Variants in CACNA1G observed in about 807,000 individuals in gnomAD.
The protein encoded by CACNA1G is calcium voltage-gated channel subunit alpha1 G.
Under a neutral mutation model 219.4 loss-of-function variants are expected in CACNA1G, and 67 were observed. The observed-to-expected ratio is 0.31, with a 90% CI of 0.25 to 0.37. CACNA1G has a LOEUF of 0.37. Ranked by LOEUF, CACNA1G falls within the 10% of genes least tolerant of loss-of-function variation. The probability of loss-of-function intolerance (pLI) is 1.00; values close to 1 mark genes in which losing one functional copy is unlikely to be tolerated. For synonymous variants in CACNA1G, 1,296 were observed against 1,345.3 expected (o/e 0.96, Z 0.80); for missense variants, 2,380 against 3,231.4 (o/e 0.74, Z 6.39).
rs373614568 is a variant in CACNA1G, at chr17:50,599,488, C to T, written c.3319C>T (p.Arg1107Cys). 21 of 1,592,456 alleles carry T rather than the reference C, an allele frequency of 1.3e-5. No individual in the cohort carries two copies. Among genetic ancestry groups the T allele is most frequent in the South Asian group, 5.7e-5 (5 of 87,914 alleles). Residue 1107 changes from arginine to cysteine, a missense_variant, in exon 17 of 38, where the codon CGC (arginine) becomes TGC (cysteine). Coordinates refer to ENST00000359106, the MANE Select transcript of CACNA1G (RefSeq NM_018896.5). Reference protein sequence around the residue: ...WSAASSWTSRRSSRNSLGRAP... With the variant: ...WSAASSWTSRCSSRNSLGRAP... Reference sequence around the variant, plus strand: ...CGCTGCAAGCAGCTGGACCAGCAGGCGCTCCAGCCGGAACAGCCTCGGCCG... The same window carrying T: ...CGCTGCAAGCAGCTGGACCAGCAGGTGCTCCAGCCGGAACAGCCTCGGCCG...
chr17:50,572,918 G>A (rs1478747059), intron 6 of CACNA1G, 64 bp downstream of exon 6: 8 of 1,581,624 alleles, frequency 5.1e-6, no homozygotes, highest in South Asian at 1.2e-5. Flanking sequence ...GCCCAGGATC[G>A]GAGTGGTCGC....
rs201628757 is a variant in CACNA1G at position 50,615,410 on chromosome 17, C to G, written c.4809C>G (p.Leu1603=). 6 of 1,612,722 alleles carry G rather than the reference C, an allele frequency of 3.7e-6. No homozygotes were observed. The East Asian group carries it at 1.3e-4, about 36-fold the overall frequency. ...CCGACTACTCCCGCTTCCGGCTCCT[C>G]GTCCACCACTTGTGCACCAGCCACT... The part of the protein sequence containing the change: ...YYSDYSRFRL[L]VHHLCTSHYL... The change falls in exon 27 of 38, where the codon CTC becomes CTG. Residue 1603 remains leucine (L), a synonymous_variant. Coordinates refer to ENST00000359106, the MANE Select transcript of CACNA1G (RefSeq NM_018896.5).
intron 1 of CACNA1G, chr17:50,562,007 C>A: frequency 8.5e-6 from 3 of 351,542 alleles, no homozygotes; most frequent in Non-Finnish European, 1.6e-5. Flanking sequence ...AGCTGGACGC[C>A]CTCCAGATGT....
At position 50,591,256 on chromosome 17, in the gene CACNA1G, T is replaced by A. The variant is rs529544667; in HGVS notation, c.2454-179T>A. On this transcript the variant is annotated intron_variant, in intron 10 of 37. Transcript: ENST00000359106. ...GAGAGGGCGGAGGGGGCCGGGGCTG[T>A]CACCCAAATCCTCACTATCTTGGAG... 2.1e-3 allele frequency among the ~76,000 whole-genome samples: 327 copies of A among 152,290 alleles called. 1 individual carries two copies. The highest frequency in any genetic ancestry group is 7.6e-3 in the African/African-American group (318 of 41,570).
At chr17:50,608,077 G>T in intron 25 of CACNA1G, 58 bp downstream of exon 25, 1 of 1,511,250 alleles carries the variant, frequency 6.6e-7, no homozygotes, top group South Asian at 1.2e-5. Flanking sequence ...GGTCGTGCTT[G>T]ACCTTGGCCT....
chr17:50,589,906 C>G (rs1341029402), intron 9 of CACNA1G, among the ~76,000 whole-genome samples: 1 of 148,428 alleles, frequency 6.7e-6, no homozygotes, highest in Non-Finnish European at 1.5e-5. Flanking sequence ...CTCTCTCTCT[C>G]TCTCTCTGTG....
chr17:50,561,198 G>A lies in CACNA1G; in HGVS notation c.-262G>A. The A allele has an allele frequency of 1.8e-6, 1 of 570,170 alleles. No homozygotes were observed. The highest frequency in any genetic ancestry group is 2.9e-5 in the Admixed American group (1 of 34,576). 35.3% of individuals were successfully genotyped at this position (570,170 alleles called of 1,614,324 possible). A position where few individuals can be genotyped will look rare whatever the true frequency, so the allele number is the denominator to read the frequency against. On this transcript the variant is annotated 5_prime_UTR_variant, in exon 1 of 38. Transcript: ENST00000359106. ...GGAACAAAGTGAGGGGGAGCCGGCC[G>A]GCTGGCCCGGGAAGCCCCAGGGGCG...
At chr17:50,619,352 AC>A (rs1820559897) in intron 33 of CACNA1G, among the ~76,000 whole-genome samples, 1 of 149,080 alleles carries the variant, frequency 6.7e-6, no homozygotes, top group Admixed American at 6.7e-5. Context: ...TTTCCTACCC[AC>A]CCTTTAACCT....
chr17:50,597,492 A>T (rs2045800639), intron 16 of CACNA1G, among the ~76,000 whole-genome samples: 1 of 152,164 alleles, frequency 6.6e-6, no homozygotes, highest in Non-Finnish European at 1.5e-5. Flanking sequence ...TAATTTTTTT[A>T]AATTTCGCTT....
Position 50,626,282 on chromosome 17 carries a change from G to A in CACNA1G, c.6665G>A (p.Ser2222Asn). The A allele has an allele frequency of 1.9e-6, 3 of 1,613,630 alleles. No individual in the cohort carries two copies. The highest frequency in any genetic ancestry group is 2.5e-6 in the Non-Finnish European group (3 of 1,179,872). The change falls in exon 38 of 38, where the codon AGC (serine) becomes AAC (asparagine). Residue 2222 changes from serine to asparagine, a missense_variant. Physicochemically the swap from Ser to Asn is conservative, Grantham distance 46. Transcript: ENST00000359106. The surrounding 1 kb of genome is among the most constrained non-coding windows in gnomAD (Gnocchi z 4.3). ...RSSLELDTELSWISGDLLPPG... is the reference protein window; with the variant it reads ...RSSLELDTELNWISGDLLPPG... ...AGCTTAGAGTTGGACACGGAGCTGA[G>A]CTGGATTTCAGGAGACCTCCTGCCC...
At chr17:50,566,114 C>T (rs1041815369) in intron 1 of CACNA1G, among the ~76,000 whole-genome samples, 3 of 152,170 alleles carry the variant, frequency 2.0e-5, no homozygotes, top group Non-Finnish European at 2.9e-5. Flanking sequence ...GATTCTCCTC[C>T]CCTGCATAAG....
At chr17:50,624,765 G>A (rs549440270) in intron 37 of CACNA1G, among the ~76,000 whole-genome samples, 2 of 152,298 alleles carry the variant, frequency 1.3e-5, no homozygotes, top group African/African-American at 4.8e-5. Flanking sequence ...ACCAGAAGGG[G>A]TAGTGCTTGC....
intron 33 of CACNA1G, among the ~76,000 whole-genome samples, chr17:50,619,395 A>G (rs757284176): frequency 6.7e-6 from 1 of 149,224 alleles, no homozygotes; most frequent in African/African-American, 2.5e-5. Context: ...CCATCCTTTT[A>G]TCTTCTCTTT....
chr17:50,595,372 C>A (rs2045316468), intron 14 of CACNA1G, among the ~76,000 whole-genome samples: 1 of 152,218 alleles, frequency 6.6e-6, no homozygotes, highest in Non-Finnish European at 1.5e-5. Flanking sequence ...GTGTGGGGCA[C>A]CCCGTGTGTG....
intron 25 of CACNA1G, among the ~76,000 whole-genome samples, chr17:50,608,567 A>C (rs1215870729): frequency 6.6e-6 from 1 of 151,342 alleles, no homozygotes. Context: ...AAACTTAAAA[A>C]AAGAAAAAGC....
At chr17:50,606,203 A>C (rs1567712835) in intron 23 of CACNA1G, 180 bp downstream of exon 23, 1 of 900,362 alleles carries the variant, frequency 1.1e-6, no homozygotes, top group Non-Finnish European at 1.9e-6. Flanking sequence ...ACAGTGCCCC[A>C]AAAAGTGGGC....
At position 50,576,060 on chromosome 17, in the gene CACNA1G, T is replaced by C. The variant is rs1482785344; in HGVS notation, c.1658T>C (p.Val553Ala). ...SGAPPGGAESVHSFYHADCHL... is the reference protein window; with the variant it reads ...SGAPPGGAESAHSFYHADCHL... ...GCCCCCCCTGGTGGCGCAGAGTCTG[T>C]GCACAGCTTCTACCATGCCGACTGC... The change falls in exon 8 of 38, where the codon GTG becomes GCG. Residue 553 changes from valine (V) to alanine (A), a missense_variant. Coordinates refer to ENST00000359106, the MANE Select transcript of CACNA1G (RefSeq NM_018896.5). 9 of 1,582,800 alleles carry C rather than the reference T, an allele frequency of 5.7e-6. No homozygotes were observed. Among genetic ancestry groups the C allele is most frequent in the Non-Finnish European group, 7.7e-6 (9 of 1,165,674 alleles).
rs772850393 is a variant in CACNA1G, at chr17:50,571,852, C to T, written c.587-26C>T. ...CAGCCTAGCCCGGCCAGCCTGGTGT[C>T]CCCAGCGTGGCTTCTGCCCCCACAG... On this transcript the variant is annotated intron_variant, in intron 4 of 37. Coordinates refer to ENST00000359106, the MANE Select transcript of CACNA1G (RefSeq NM_018896.5). The surrounding 1 kb of genome is among the most constrained non-coding windows in gnomAD (Gnocchi z 4.3). The T allele has an allele frequency of 3.0e-5, 49 of 1,611,774 alleles. No homozygotes were observed. In the South Asian group the frequency reaches 4.3e-4, roughly 14 times the overall value.
chr17:50,591,860 G>T lies in CACNA1G; in HGVS notation c.2754+7G>T. On this transcript the variant is annotated splice_region_variant and intron_variant, in intron 12 of 37. Coordinates refer to ENST00000359106, the MANE Select transcript of CACNA1G (RefSeq NM_018896.5). ...CATCGTCACTGTCTTTCAGGTGCGA[G>T]GGTAACAGGGCAGGGCGTGGACAGG... 1 of 1,613,898 alleles carries T rather than the reference G, an allele frequency of 6.2e-7. No individual in the cohort carries two copies. The highest frequency in any genetic ancestry group is 8.5e-7 in the Non-Finnish European group (1 of 1,179,776).
Sources: allele counts gnomAD v4.1 joint callset (sites outside exome capture counted in the v4.1 genomes callset), GRCh38; gene constraint gnomAD v4.1.1; non-coding constraint Gnocchi (gnomAD v3.1); transcripts MANE v1.5; gene names NCBI Gene and HGNC (gene_info 2026-07-23, HGNC 2026-07-21).